MRLN: variants seen among roughly 807,000 people sequenced by gnomAD.
MRLN encodes Linc-RNA activator of myogenesis.
At chr10:59,740,562 T>C (rs1465016381) in intron 1 of MRLN, among the ~76,000 whole-genome samples, 1 of 152,034 alleles carries the variant, frequency 6.6e-6, no homozygotes, top group Non-Finnish European at 1.5e-5. Flanking sequence ...TGTGTTTGTG[T>C]CTTATAAGAA....
intron 1 of MRLN, among the ~76,000 whole-genome samples, chr10:59,744,439 C>T (rs1171587): frequency 8.6e-5 from 13 of 150,684 alleles, no homozygotes; most frequent in African/African-American, 2.9e-4. Flanking sequence ...CTGCCCCTTC[C>T]GGGAGGCGGG....
chr10:59,744,660 G>A lies in MRLN; in HGVS notation c.-124-6098C>T, dbSNP rs191231596. 1.3e-3 allele frequency: 204 copies of A among 162,362 alleles called. 1 individual carries two copies. The highest frequency in any genetic ancestry group is 0.01 in the South Asian group (51 of 5,076). 10.1% of individuals were successfully genotyped at this position (162,362 alleles called of 1,614,324 possible). A position where few individuals can be genotyped will look rare whatever the true frequency, so the allele number is the denominator to read the frequency against. Reference sequence around the variant, plus strand: ...CCATGATGAAGATGGCGGTTTTGTCGAATAGAAAAGGGGGAAATGTGGGGA... The same window carrying A: ...CCATGATGAAGATGGCGGTTTTGTCAAATAGAAAAGGGGGAAATGTGGGGA... On this transcript the variant is annotated intron_variant, in intron 1 of 2. Transcript: ENST00000414264.
rs1321343534 is a variant in MRLN at position 59,740,528 on chromosome 10, C to G, written c.-124-1966G>C. On this transcript the variant is annotated intron_variant, in intron 1 of 2. Transcript: ENST00000414264. ...CGACAGTGATATTAATGATCCTGGC[C>G]CTGTGCAGACCTAGGCTAATGTGTG... 4.0e-5 allele frequency among the ~76,000 whole-genome samples: 6 copies of G among 151,846 alleles called. 1 individual carries two copies. The East Asian group carries it at 1.2e-3, about 29-fold the overall frequency.
chr10:59,746,584 C>T (rs1228736500), intron 1 of MRLN, among the ~76,000 whole-genome samples: 1 of 152,190 alleles, frequency 6.6e-6, no homozygotes, highest in Non-Finnish European at 1.5e-5. Flanking sequence ...CATGCTCCTT[C>T]TTCAGTCCTG....
At chr10:59,744,597 G>A (rs10993985) in intron 1 of MRLN, among the ~76,000 whole-genome samples, 5,710 of 151,990 alleles carry the variant, frequency 0.038, 182 homozygotes, top group East Asian at 0.12. Context: ...GCCGCCACCC[G>A]GTCTGGGAGG....
intron 1 of MRLN, among the ~76,000 whole-genome samples, chr10:59,752,827 A>G (rs1260375760): frequency 6.6e-6 from 1 of 152,190 alleles, no homozygotes; most frequent in Non-Finnish European, 1.5e-5. Context: ...TGGCTAAAAA[A>G]CAAGGAAGGA....
Position 59,737,189 on chromosome 10 carries a change from T to C in MRLN, c.12A>G (p.Lys4=). 2.5e-6 allele frequency: 1 copy of C among 397,578 alleles called. No individual in the cohort carries two copies. The highest frequency in any genetic ancestry group is 1.3e-4 in the South Asian group (1 of 7,848). 24.6% of individuals were successfully genotyped at this position (397,578 alleles called of 1,614,324 possible). A position where few individuals can be genotyped will look rare whatever the true frequency, so the allele number is the denominator to read the frequency against. Residue 4 remains lysine, a synonymous_variant, in exon 3 of 3, where the codon AAA becomes AAG. Transcript: ENST00000414264. ...TAGTAGTAGAAATTAATATCCAGTT[T>C]TTACCAGTCATATCCAGAATTATCC... MTG[K]NWILISTTTP...
At chr10:59,744,958 G>GACACAAAC (rs1841027677) in intron 1 of MRLN, 1 of 181,856 alleles carries the variant, frequency 5.5e-6, no homozygotes, top group Non-Finnish European at 1.1e-5. Context: ...AATACCCAGG[G>GACACAAAC]ACACAAACAC....
At chr10:59,744,488 G>T (rs1290394661) in intron 1 of MRLN, among the ~76,000 whole-genome samples, 16 of 149,528 alleles carry the variant, frequency 1.1e-4, no homozygotes, top group African/African-American at 3.7e-4. Context: ...TCCGGGAGGT[G>T]GGGGGCAGCC....
At chr10:59,743,023 C>T (rs2132589608) in intron 1 of MRLN, among the ~76,000 whole-genome samples, 1 of 152,186 alleles carries the variant, frequency 6.6e-6, no homozygotes, top group East Asian at 1.9e-4. Context: ...AGCCACTGTA[C>T]CTGGCCTTCA....
chr10:59,748,859 A>G (rs1841069248), intron 1 of MRLN, among the ~76,000 whole-genome samples: 1 of 152,232 alleles, frequency 6.6e-6, no homozygotes, highest in Non-Finnish European at 1.5e-5. Context: ...ATGTATAACC[A>G]GAGAGTCCAG....
chr10:59,746,845 T>A (rs544759590), intron 1 of MRLN, among the ~76,000 whole-genome samples: 1 of 152,212 alleles, frequency 6.6e-6, no homozygotes, highest in South Asian at 2.1e-4. Context: ...CAGGCTGGAG[T>A]CCAATGGCAC....
chr10:59,749,848 G>A (rs1841081379), intron 1 of MRLN, among the ~76,000 whole-genome samples: 1 of 151,992 alleles, frequency 6.6e-6, no homozygotes, highest in South Asian at 2.1e-4. Context: ...TAGATGAGAG[G>A]AAACAAATAG....
At chr10:59,746,956 C>T (rs1329526506) in intron 1 of MRLN, among the ~76,000 whole-genome samples, 4 of 152,074 alleles carry the variant, frequency 2.6e-5, no homozygotes, top group Non-Finnish European at 5.9e-5. Flanking sequence ...TGCACCACCA[C>T]GTCTGGCTAA....
chr10:59,740,140 G>T (rs1840966377), intron 1 of MRLN, among the ~76,000 whole-genome samples: 1 of 151,628 alleles, frequency 6.6e-6, no homozygotes, highest in South Asian at 2.1e-4. Context: ...CTATGTCTTA[G>T]TGAAGTCATA....
chr10:59,745,301 G>T (rs1160238444), intron 1 of MRLN, among the ~76,000 whole-genome samples: 4 of 152,022 alleles, frequency 2.6e-5, no homozygotes, highest in Admixed American at 2.0e-4. Context: ...AACAAGTTAG[G>T]ACACCTTAAA....
intron 1 of MRLN, among the ~76,000 whole-genome samples, chr10:59,742,910 TG>T (rs2132589521): frequency 1.3e-5 from 2 of 152,148 alleles, no homozygotes; most frequent in Non-Finnish European, 2.9e-5. Flanking sequence ...TTTTTATTTT[TG>T]TAGAGACAGG....
chr10:59,744,539 G>A lies in MRLN; in HGVS notation c.-124-5977C>T, dbSNP rs186453782. On this transcript the variant is annotated intron_variant, in intron 1 of 2. Coordinates refer to ENST00000414264, the MANE Select transcript of MRLN (RefSeq NM_001304731.2). ...CCCCGTCTGGGAGGTGGGGGAGCGC[G>A]CCTCTGCCCAGCCGCCCCTACTGGG... is the stretch of plus-strand genomic sequence containing the variant. 5.0e-3 allele frequency among the ~76,000 whole-genome samples: 755 copies of A among 150,264 alleles called. 8 individuals are homozygous for A. Among genetic ancestry groups the A allele is most frequent in the African/African-American group, 0.017 (713 of 40,880 alleles).
chr10:59,744,516 C>T (rs1363955533), intron 1 of MRLN, among the ~76,000 whole-genome samples: 2 of 151,356 alleles, frequency 1.3e-5, no homozygotes, highest in Non-Finnish European at 2.9e-5. Flanking sequence ...GGCTGCCACC[C>T]CGTCTGGGAG....
Sources: allele counts gnomAD v4.1 joint callset (sites outside exome capture counted in the v4.1 genomes callset), GRCh38; gene constraint gnomAD v4.1.1; transcripts MANE v1.5; gene names NCBI Gene and HGNC (gene_info 2026-07-23, HGNC 2026-07-21).